Variants in CPNE1 observed in about 807,000 individuals in gnomAD.
The protein encoded by CPNE1 is copine 1, also known as copine-1.
CPNE1 carries 58 observed loss-of-function variants against 63.2 expected under a neutral mutation model. That is an observed-to-expected ratio of 0.92 (90% CI 0.74 to 1.14). CPNE1 has a LOEUF of 1.14. Ranked by LOEUF, CPNE1 falls within the 50% of genes most tolerant of loss-of-function variation. The pLI is 0.00. For missense variants in CPNE1, 672 were observed against 661.7 expected, an observed-to-expected ratio of 1.02 and a Z score of -0.17; for synonymous variants, 237 against 249.0, an observed-to-expected ratio of 0.95 and a Z score of 0.45.
intron 1 of CPNE1, among the ~76,000 whole-genome samples, chr20:35,636,739 C>A (rs897186544): frequency 1.3e-5 from 2 of 151,796 alleles, no homozygotes; most frequent in Non-Finnish European, 2.9e-5. Context: ...TGCAGTGAGC[C>A]GAGATCATGG....
intron 1 of CPNE1, among the ~76,000 whole-genome samples, chr20:35,655,872 T>C (rs2033866608): frequency 6.6e-6 from 1 of 152,226 alleles, no homozygotes; most frequent in Non-Finnish European, 1.5e-5. Context: ...TACTAATGAA[T>C]TGTAAATAAT....
chr20:35,627,975 G>A (rs372961090), intron 13 of CPNE1, among the ~76,000 whole-genome samples: 8 of 144,834 alleles, frequency 5.5e-5, no homozygotes, highest in East Asian at 3.9e-4. Flanking sequence ...TGAGACCCCC[G>A]TCACTTAAAA....
At chr20:35,635,126 C>T (rs1185977740) in intron 1 of CPNE1, among the ~76,000 whole-genome samples, 1 of 151,976 alleles carries the variant, frequency 6.6e-6, no homozygotes, top group East Asian at 1.9e-4. Flanking sequence ...GCTCACTGCT[C>T]CCTTTCCCCA....
chr20:35,646,390 C>CT (rs559754204), intron 1 of CPNE1, among the ~76,000 whole-genome samples: 12,062 of 122,528 alleles, frequency 0.098, 1,087 homozygotes, highest in African/African-American at 0.2. Context: ...AGTGACAAGG[C>CT]TTTTTTTTTT....
At chr20:35,630,621 G>A in intron 12 of CPNE1, 120 bp downstream of exon 12, 1 of 1,460,508 alleles carries the variant, frequency 6.8e-7, no homozygotes, top group South Asian at 1.1e-5. Flanking sequence ...GTGCCTGCAG[G>A]AATCCAACCC....
intron 13 of CPNE1, among the ~76,000 whole-genome samples, chr20:35,629,804 G>A (rs749274776): frequency 1.3e-5 from 2 of 151,948 alleles, no homozygotes; most frequent in South Asian, 2.1e-4. Context: ...AACTACAGGC[G>A]CCTGCCATCA....
intron 1 of CPNE1, chr20:35,653,696 T>C: frequency 6.2e-7 from 1 of 1,614,216 alleles, no homozygotes; most frequent in Non-Finnish European, 8.5e-7. Flanking sequence ...GCACAGACTT[T>C]GGCAGAGTTG....
intron 1 of CPNE1, chr20:35,652,930 C>T (rs748495688): frequency 3.1e-6 from 5 of 1,613,796 alleles, no homozygotes; most frequent in Non-Finnish European, 4.2e-6. Context: ...ACCGCCTAAG[C>T]TACCAGGGCC....
At chr20:35,637,043 C>A (rs1306505998) in intron 1 of CPNE1, among the ~76,000 whole-genome samples, 22 of 151,972 alleles carry the variant, frequency 1.4e-4, no homozygotes, top group Admixed American at 1.4e-3. Flanking sequence ...AAATAAAAAA[C>A]AAAAACAAAA....
At chr20:35,652,824 G>GGGCCA (rs1568933638) in intron 1 of CPNE1, 2 of 1,593,460 alleles carry the variant, frequency 1.3e-6, no homozygotes, top group Admixed American at 3.6e-5. Context: ...GGCCAGGGCC[G>GGGCCA]GGGCCGGGGC....
intron 1 of CPNE1, chr20:35,649,775 A>C (rs1360533852): frequency 6.6e-6 from 1 of 152,350 alleles, no homozygotes; most frequent in Non-Finnish European, 1.5e-5. Flanking sequence ...AAAAATCAGA[A>C]GGGAGAGGAA....
chr20:35,653,333 TGGGCAGTCCCACACC>T (rs758173984), intron 1 of CPNE1: 97 of 1,613,938 alleles, frequency 6.0e-5, no homozygotes, highest in East Asian at 5.3e-4. Flanking sequence ...AGTCCTGCAC[TGGGCAGTCCCACACC>T]GGGCAGTCCC....
intron 1 of CPNE1, among the ~76,000 whole-genome samples, chr20:35,636,417 T>C (rs1446800585): frequency 1.3e-5 from 2 of 152,152 alleles, no homozygotes; most frequent in African/African-American, 2.4e-5. Context: ...TAAAGGTCTA[T>C]CAACTAAATA....
At position 35,654,255 on chromosome 20, in the gene CPNE1, T is replaced by C. The variant is rs778195049; in HGVS notation, c.-1+10505A>G. On this transcript the variant is annotated intron_variant, in intron 1 of 15. Transcript: ENST00000397443. Reference sequence around the variant, plus strand: ...TTCTGTTTCGTTTCAAAGCTTCAAATGTATCTTGAGGGGAGAGAAACTTAA... The same window carrying C: ...TTCTGTTTCGTTTCAAAGCTTCAAACGTATCTTGAGGGGAGAGAAACTTAA... 3.8e-5 allele frequency: 62 copies of C among 1,614,128 alleles called. 1 individual carries two copies. In the South Asian group the frequency reaches 6.3e-4, roughly 16 times the overall value.
chr20:35,646,976 G>A (rs1303256756), intron 1 of CPNE1, among the ~76,000 whole-genome samples: 2 of 151,964 alleles, frequency 1.3e-5, no homozygotes, highest in Non-Finnish European at 2.9e-5. Flanking sequence ...TCTATATGAC[G>A]TTTGCTGAGT....
chr20:35,654,331 G>A lies in CPNE1; in HGVS notation c.-1+10429C>T. ...TACATGATCTTTCAACAAATGCACT[G>A]CATCAACACGGAGCCCATGAAAAAA... On this transcript the variant is annotated intron_variant, in intron 1 of 15. Transcript: ENST00000397443. 1 of 1,614,092 alleles carries A rather than the reference G, an allele frequency of 6.2e-7. No individual in the cohort carries two copies. Among genetic ancestry groups the A allele is most frequent in the Non-Finnish European group, 8.5e-7 (1 of 1,180,036 alleles).
At chr20:35,652,415 T>C (rs886991066) in intron 1 of CPNE1, 13 of 1,294,842 alleles carry the variant, frequency 1.0e-5, no homozygotes, top group African/African-American at 3.0e-5. Flanking sequence ...CCAAGCTATA[T>C]GCAATTGAAA....
chr20:35,658,446 CT>C (rs2034029507), intron 1 of CPNE1, among the ~76,000 whole-genome samples: 1 of 152,140 alleles, frequency 6.6e-6, no homozygotes, highest in Non-Finnish European at 1.5e-5. Context: ...TACCCCACCC[CT>C]ATCCCTCAGA....
At position 35,632,330 on chromosome 20, in the gene CPNE1, G is replaced by A. The variant is rs748441881; in HGVS notation, c.365C>T (p.Ala122Val). The change falls in exon 4 of 16, where the codon GCT becomes GTT. Residue 122 changes from alanine to valine, a missense_variant. Ala to Val is a moderately conservative substitution (Grantham distance 64, BLOSUM62 0). Coordinates refer to ENST00000397443, the MANE Select transcript of CPNE1 (RefSeq NM_152925.3). ...CCTTACCGTGATGGTCCCCCGCCCA[G>A]CAGGTTTTCCAGGCTTCAGCATCAA... ...LPLMLKPGKP[A>V]GRGTITVSAQ... is the part of the protein sequence containing the mutation. 1.9e-6 allele frequency: 3 copies of A among 1,614,008 alleles called. No individual in the cohort carries two copies. The highest frequency in any genetic ancestry group is 2.2e-5 in the East Asian group (1 of 44,894).
Sources: gnomAD v4.1 joint callset for allele counts (sites outside exome capture counted in the v4.1 genomes callset) on GRCh38, gnomAD v4.1.1 for gene constraint, MANE v1.5 for transcripts, NCBI Gene and HGNC (gene_info 2026-07-23, HGNC 2026-07-21) for gene names.